Variants in OSBP2 observed in about 807,000 individuals in gnomAD.
OSBP2 encodes the protein oxysterol binding protein 2, also known as oxysterol-binding protein 2.
Under a neutral mutation model 96.0 loss-of-function variants are expected in OSBP2, and 66 were observed. The ratio of observed to expected loss-of-function variants is 0.69; its 90% CI spans 0.56 to 0.84. The LOEUF is 0.84. Ranked by LOEUF, OSBP2 falls within the 40% of genes least tolerant of loss-of-function variation. OSBP2 has a pLI of 0.00. For missense variants in OSBP2, 1,038 were observed against 1,222.7 expected (o/e 0.85, Z 2.25); for synonymous variants, 525 against 520.9 (o/e 1.01, Z -0.11).
intron 3 of OSBP2, among the ~76,000 whole-genome samples, chr22:30,873,555 G>A (rs950007158): frequency 6.6e-6 from 1 of 152,170 alleles, no homozygotes; most frequent in African/African-American, 2.4e-5. Flanking sequence ...GTGAGAGGGA[G>A]CTGCTTCTCC....
intron 1 of OSBP2, among the ~76,000 whole-genome samples, chr22:30,723,209 C>T (rs1474664528): frequency 3.9e-5 from 6 of 152,058 alleles, no homozygotes; most frequent in African/African-American, 9.7e-5. Context: ...TGGGTTCAAG[C>T]GATTCTCCTG....
intron 2 of OSBP2, among the ~76,000 whole-genome samples, chr22:30,855,567 G>C (rs2039063222): frequency 6.6e-6 from 1 of 152,226 alleles, no homozygotes; most frequent in East Asian, 1.9e-4. Flanking sequence ...CCTGCTCTAA[G>C]AAAAGGGGCC....
chr22:30,801,791 C>T (rs1038864573), intron 2 of OSBP2, among the ~76,000 whole-genome samples: 9 of 152,054 alleles, frequency 5.9e-5, no homozygotes, highest in African/African-American at 2.2e-4. Flanking sequence ...TTGGACAACA[C>T]AGCAAGACCC....
rs923653046 is a variant in OSBP2, at chr22:30,741,249, C to T, written c.733C>T (p.Leu245=). 6.2e-7 allele frequency: 1 copy of T among 1,614,116 alleles called. No individual in the cohort carries two copies. Among genetic ancestry groups the T allele is most frequent in the African/African-American group, 1.3e-5 (1 of 75,076 alleles). The part of the protein sequence containing the change: ...IDTEDSCGIL[L]TSGARSYHLK... ...CACGGAGGACTCTTGTGGTATCTTG[C>T]TGACCAGTGGGGCCAGGAGCTACCA... The change falls in exon 2 of 14, where the codon CTG becomes TTG. Residue 245 remains leucine (L), a synonymous_variant. Coordinates refer to ENST00000332585, the MANE Select transcript of OSBP2 (RefSeq NM_030758.4).
upstream of OSBP2, chr22:30,694,769 G>GGC (rs1448269182): frequency 8.7e-6 from 5 of 575,046 alleles, no homozygotes; most frequent in African/African-American, 6.1e-5. Flanking sequence ...GCGCTGACGG[G>GGC]CACGGAGCGC....
intron 2 of OSBP2, among the ~76,000 whole-genome samples, chr22:30,771,624 G>T (rs1053693096): frequency 6.6e-6 from 1 of 152,260 alleles, no homozygotes; most frequent in African/African-American, 2.4e-5. Flanking sequence ...TGGGCTCCAG[G>T]CTGTCTTCAT....
At chr22:30,784,495 G>C (rs2090561109) in intron 2 of OSBP2, among the ~76,000 whole-genome samples, 1 of 152,142 alleles carries the variant, frequency 6.6e-6, no homozygotes. Context: ...CTGGGCTCAA[G>C]TGATCCCACT....
At chr22:30,738,857 C>T (rs905499523) in intron 1 of OSBP2, among the ~76,000 whole-genome samples, 9 of 152,148 alleles carry the variant, frequency 5.9e-5, no homozygotes, top group African/African-American at 2.2e-4. Flanking sequence ...CCACCGTGCC[C>T]AGCTGACAAA....
At chr22:30,708,182 C>T (rs181866426) in intron 1 of OSBP2, among the ~76,000 whole-genome samples, 1 of 152,194 alleles carries the variant, frequency 6.6e-6, no homozygotes, top group African/African-American at 2.4e-5. Flanking sequence ...ACCACCTCGC[C>T]TGGCTGTTCA....
intron 1 of OSBP2, among the ~76,000 whole-genome samples, chr22:30,706,439 G>A (rs748615461): frequency 1.3e-5 from 2 of 151,958 alleles, no homozygotes; most frequent in African/African-American, 2.4e-5. Flanking sequence ...ATTTAATACC[G>A]ATTTAACAAT....
At chr22:30,733,509 A>C (rs914003879) in intron 1 of OSBP2, among the ~76,000 whole-genome samples, 22 of 152,130 alleles carry the variant, frequency 1.4e-4, no homozygotes, top group African/African-American at 3.6e-4. Flanking sequence ...GGTTGCAAAA[A>C]TCCAGCTTGT....
chr22:30,824,798 T>C (rs1261694106), intron 2 of OSBP2, among the ~76,000 whole-genome samples: 1 of 152,198 alleles, frequency 6.6e-6, no homozygotes, highest in Non-Finnish European at 1.5e-5. Context: ...GCTTGCTGCC[T>C]GCTCCGGGAT....
intron 2 of OSBP2, among the ~76,000 whole-genome samples, chr22:30,836,379 G>A (rs981213800): frequency 6.6e-6 from 1 of 152,150 alleles, no homozygotes; most frequent in South Asian, 2.1e-4. Flanking sequence ...TGGGCAGGCC[G>A]ACTTGCAGGC....
intron 2 of OSBP2, among the ~76,000 whole-genome samples, chr22:30,779,676 G>A (rs2090488720): frequency 6.6e-6 from 1 of 152,104 alleles, no homozygotes; most frequent in South Asian, 2.1e-4. Flanking sequence ...ACCCACATTT[G>A]CCCTTCACTG....
chr22:30,836,399 A>G (rs2147018977), intron 2 of OSBP2, among the ~76,000 whole-genome samples: 1 of 152,282 alleles, frequency 6.6e-6, no homozygotes, highest in East Asian at 1.9e-4. Flanking sequence ...CTCTACCCTT[A>G]GCCTCTGAAT....
At position 30,906,233 on chromosome 22, in the gene OSBP2, A is replaced by G. The variant is rs762811572; in HGVS notation, c.2645A>G (p.Glu882Gly). 2 of 1,614,178 alleles carry G rather than the reference A, an allele frequency of 1.2e-6. No individual in the cohort carries two copies. The highest frequency in any genetic ancestry group is 4.5e-5 in the East Asian group (2 of 44,882). Residue 882 changes from glutamate to glycine, a missense_variant, in exon 14 of 14, where the codon GAG becomes GGG. Around this residue, in one of 3 missense-constraint regions of OSBP2, gnomAD observed 737 missense variants for 913.3 expected, o/e 0.81. Coordinates refer to ENST00000332585, the MANE Select transcript of OSBP2 (RefSeq NM_030758.4). ...GATGCCTACACGCCACTGTGGTTTG[A>G]GAAGAGGCTGGATCCGCTGACCGGG... ...EADAYTPLWF[E>G]KRLDPLTGEM... is the part of the protein sequence containing the mutation.
intron 1 of OSBP2, among the ~76,000 whole-genome samples, chr22:30,717,483 C>T (rs2089481492): frequency 6.6e-6 from 1 of 152,086 alleles, no homozygotes; most frequent in African/African-American, 2.4e-5. Context: ...TTTTACTGTC[C>T]AGCTGCAGCT....
At chr22:30,717,090 T>TTTTTTTTG (rs71328866) in intron 1 of OSBP2, among the ~76,000 whole-genome samples, 4 of 118,320 alleles carry the variant, frequency 3.4e-5, no homozygotes, top group African/African-American at 1.3e-4. Context: ...TTTACTGTTT[T>TTTTTTTTG]TGTGTGTGTG....
intron 2 of OSBP2, among the ~76,000 whole-genome samples, chr22:30,792,268 G>A (rs1223372401): frequency 6.6e-6 from 1 of 151,320 alleles, no homozygotes; most frequent in East Asian, 1.9e-4. Flanking sequence ...AATTGAGATC[G>A]CACCACTGCA....
Sources: allele counts gnomAD v4.1 joint callset (sites outside exome capture counted in the v4.1 genomes callset), GRCh38; gene constraint gnomAD v4.1.1; regional missense constraint gnomAD v4.1.1; transcripts MANE v1.5; gene names NCBI Gene and HGNC (gene_info 2026-07-23, HGNC 2026-07-21).